Variants in CASP10 observed in about 807,000 individuals in gnomAD.
CASP10 encodes the protein caspase-10.
In CASP10, 41 loss-of-function variants were observed where a neutral mutation model predicts 48.5. The observed-to-expected ratio is 0.85, with a 90% CI of 0.66 to 1.10. CASP10 has a LOEUF of 1.10. Among genes scored for constraint, CASP10 ranks in the 50% least tolerant of loss-of-function variants. The probability of loss-of-function intolerance (pLI) is 0.00; values close to 1 mark genes in which losing one functional copy is unlikely to be tolerated. For missense variants in CASP10, 614 were observed against 614.5 expected (o/e 1.00, Z 0.01); for synonymous variants, 232 against 238.4 (o/e 0.97, Z 0.25).
chr2:201,227,907 C>T (rs1945809644), intron 9 of CASP10, among the ~76,000 whole-genome samples: 1 of 152,072 alleles, frequency 6.6e-6, no homozygotes, highest in Non-Finnish European at 1.5e-5. Context: ...GGTTCCTCTA[C>T]AGAATCAGTC....
intron 4 of CASP10, among the ~76,000 whole-genome samples, chr2:201,194,747 C>T (rs1374799169): frequency 6.6e-6 from 1 of 152,136 alleles, no homozygotes; most frequent in Non-Finnish European, 1.5e-5. Flanking sequence ...ATTACATTTG[C>T]CTCAGTGAGT....
chr2:201,228,864 C>T, intron 9 of CASP10: 1 of 1,454,686 alleles, frequency 6.9e-7, no homozygotes, highest in South Asian at 1.2e-5. Context: ...GGTCCAGCCT[C>T]TCCAGGTCCT....
At chr2:201,215,651 C>G in intron 9 of CASP10, among the ~76,000 whole-genome samples, 1 of 152,118 alleles carries the variant, frequency 6.6e-6, no homozygotes, top group Non-Finnish European at 1.5e-5. Context: ...GTTTTGGTAA[C>G]TCTAGATTTG....
chr2:201,229,272 G>T lies in CASP10; in HGVS notation c.*189G>T, dbSNP rs368996794. On this transcript the variant is annotated 3_prime_UTR_variant, in exon 10 of 10. Transcript: ENST00000272879. ...CACGTGTACCTGTGTCATCTTTCTT[G>T]TTTCATCGTAAACATACTTCTAAAA... is the stretch of plus-strand genomic sequence containing the variant. The T allele has an allele frequency of 2.8e-5, 18 of 645,572 alleles. No individual in the cohort carries two copies. The South Asian group carries it at 2.8e-4, about 10-fold the overall frequency. The allele number at this position is 645,572 out of a possible 1,614,324, so 40.0% of individuals were successfully genotyped here. A position where few individuals can be genotyped will look rare whatever the true frequency, so the allele number is the denominator to read the frequency against.
At chr2:201,199,516 TAATAC>T (rs557152662) in intron 5 of CASP10, among the ~76,000 whole-genome samples, 1 of 149,706 alleles carries the variant, frequency 6.7e-6, no homozygotes, top group Non-Finnish European at 1.5e-5. Context: ...AAATACAATA[TAATAC>T]AATACAATAT....
At chr2:201,195,754 T>C in intron 4 of CASP10, 88 bp from the exon 5 acceptor site, 2 of 1,011,462 alleles carry the variant, frequency 2.0e-6, no homozygotes, top group Non-Finnish European at 3.1e-6. Flanking sequence ...CTTGGCTCAC[T>C]GCAACCTCCG....
intron 9 of CASP10, chr2:201,214,271 T>C (rs1945497754): frequency 6.6e-6 from 1 of 152,100 alleles, no homozygotes; most frequent in South Asian, 2.1e-4. Flanking sequence ...TGATAATAAT[T>C]AAGATAGGGA....
intron 9 of CASP10, among the ~76,000 whole-genome samples, chr2:201,211,886 C>A (rs1049921057): frequency 6.6e-6 from 1 of 152,138 alleles, no homozygotes; most frequent in African/African-American, 2.4e-5. Flanking sequence ...TATGTGTTTT[C>A]TTTTGTTTCC....
intron 1 of CASP10, among the ~76,000 whole-genome samples, chr2:201,183,698 T>C (rs2126001164): frequency 1.3e-5 from 2 of 152,310 alleles, no homozygotes; most frequent in South Asian, 2.1e-4. Flanking sequence ...TTTTTTTGTT[T>C]CTTTTAACAC....
At chr2:201,213,299 T>C (rs1329378680) in intron 9 of CASP10, 1 of 152,204 alleles carries the variant, frequency 6.6e-6, no homozygotes, top group African/African-American at 2.4e-5. Flanking sequence ...GTATAAGTCC[T>C]ATAATAATTT....
chr2:201,186,703 T>C (rs1441274180), intron 2 of CASP10, among the ~76,000 whole-genome samples: 1 of 152,186 alleles, frequency 6.6e-6, no homozygotes, highest in Non-Finnish European at 1.5e-5. Context: ...TATTTTTATT[T>C]TGAGACAGAG....
chr2:201,192,764 A>G (rs181131634), intron 3 of CASP10, among the ~76,000 whole-genome samples: 60 of 152,340 alleles, frequency 3.9e-4, no homozygotes, highest in African/African-American at 1.3e-3. Context: ...TCCCTGTTGC[A>G]TAGAGTTATA....
intron 5 of CASP10, chr2:201,200,689 G>T: frequency 2.2e-6 from 3 of 1,345,612 alleles, no homozygotes; most frequent in Non-Finnish European, 2.9e-6. Context: ...GATCTTAAGA[G>T]ATTAAGTACA....
chr2:201,210,746 G>A (rs1180128500), intron 9 of CASP10, among the ~76,000 whole-genome samples: 1 of 152,186 alleles, frequency 6.6e-6, no homozygotes, highest in Non-Finnish European at 1.5e-5. Context: ...GTACCGAACT[G>A]GGGACAGGGG....
At chr2:201,196,140 A>G (rs1307901277) in intron 5 of CASP10, 192 bp downstream of exon 5, 2 of 558,998 alleles carry the variant, frequency 3.6e-6, no homozygotes, top group African/African-American at 3.8e-5. Context: ...AAAATTTAAC[A>G]GTTGGCTGAC....
intron 3 of CASP10, among the ~76,000 whole-genome samples, 157 bp from the exon 4 acceptor site, chr2:201,192,827 A>G (rs1944657190): frequency 6.6e-6 from 1 of 152,132 alleles, no homozygotes; most frequent in African/African-American, 2.4e-5. Flanking sequence ...TTGCTTGGTA[A>G]TGCCTCTTCC....
In CASP10 at chr2:201,203,783, T is replaced by C; in HGVS notation, c.721+17T>C. On this transcript the variant is annotated intron_variant, in intron 6 of 9. Coordinates refer to ENST00000286186, the MANE Select transcript of CASP10 (RefSeq NM_032977.4). Reference sequence around the variant, plus strand: ...GTAGTAATGGTAGGTATTTCTAATGTACTTTTTACAACTTAGATCGGTATG... The same window carrying C: ...GTAGTAATGGTAGGTATTTCTAATGCACTTTTTACAACTTAGATCGGTATG... 1 of 1,606,890 alleles carries C rather than the reference T, an allele frequency of 6.2e-7. No homozygotes were observed. The highest frequency in any genetic ancestry group is 8.5e-7 in the Non-Finnish European group (1 of 1,173,452).
intron 9 of CASP10, chr2:201,213,211 C>G (rs1375403510): frequency 6.6e-6 from 1 of 152,160 alleles, no homozygotes; most frequent in African/African-American, 2.4e-5. Context: ...TTCTTGCAAA[C>G]TTTATCGGTA....
chr2:201,212,291 G>A (rs1440753037), intron 9 of CASP10: 1 of 152,204 alleles, frequency 6.6e-6, no homozygotes, highest in East Asian at 1.9e-4. Context: ...GATTAGTGAT[G>A]TTGAGGGGTG....
Sources: gnomAD v4.1 joint callset for allele counts (sites outside exome capture counted in the v4.1 genomes callset) on GRCh38, gnomAD v4.1.1 for gene constraint, MANE v1.5 for transcripts, NCBI Gene and HGNC (gene_info 2026-07-23, HGNC 2026-07-21) for gene names.